The following ADARB2 variants were observed in gnomAD, a reference collection of about 807,000 sequenced individuals.
ADARB2 encodes the protein inactive double-stranded RNA-specific editase B2.
A neutral mutation model predicts 62.2 loss-of-function variants in ADARB2; 25 were observed. The ratio of observed to expected loss-of-function variants is 0.40; its 90% CI spans 0.29 to 0.56. ADARB2 has a LOEUF of 0.56. Among genes scored for constraint, ADARB2 ranks in the 20% least tolerant of loss-of-function variants. ADARB2 has a pLI of 0.43. For missense variants in ADARB2, 1,071 were observed against 1,077.4 expected (o/e 0.99, Z 0.08); for synonymous variants, 572 against 500.8 (o/e 1.14, Z -1.90).
chr10:1,246,265 C>A (rs1289493963), intron 4 of ADARB2, among the ~76,000 whole-genome samples: 18 of 149,754 alleles, frequency 1.2e-4, no homozygotes, highest in African/African-American at 3.3e-4. Flanking sequence ...AGATTGCAAA[C>A]ATTTTCTCCC....
chr10:1,195,060 A>G (rs1836891320), intron 8 of ADARB2, among the ~76,000 whole-genome samples: 1 of 152,186 alleles, frequency 6.6e-6, no homozygotes, highest in Non-Finnish European at 1.5e-5. Flanking sequence ...CCTTGAGCCC[A>G]CCTTGGCCCT....
intron 2 of ADARB2, among the ~76,000 whole-genome samples, chr10:1,374,987 G>T (rs896019959): frequency 4.6e-5 from 7 of 152,132 alleles, no homozygotes; most frequent in Non-Finnish European, 1.0e-4. Flanking sequence ...GTGGGAGGCA[G>T]TGGCTCCTGG....
intron 1 of ADARB2, among the ~76,000 whole-genome samples, chr10:1,543,465 A>G (rs1832470045): frequency 6.6e-6 from 1 of 152,206 alleles, no homozygotes; most frequent in Non-Finnish European, 1.5e-5. Context: ...AGATCAATTA[A>G]AGCTCTCAGA....
At chr10:1,394,792 G>A (rs559114344) in intron 1 of ADARB2, 17 of 456,120 alleles carry the variant, frequency 3.7e-5, no homozygotes, top group Admixed American at 1.2e-4. Flanking sequence ...TGGTAGGAGC[G>A]TCTAAGGGGA....
chr10:1,462,180 G>A (rs1831182942), intron 1 of ADARB2, among the ~76,000 whole-genome samples: 1 of 151,412 alleles, frequency 6.6e-6, no homozygotes, highest in South Asian at 2.1e-4. Context: ...GGCCCCCTGA[G>A]CACCCAGCAG....
intron 4 of ADARB2, among the ~76,000 whole-genome samples, chr10:1,265,956 G>A (rs1368009828): frequency 8.0e-6 from 1 of 125,344 alleles, no homozygotes; most frequent in African/African-American, 3.1e-5. Context: ...TGAGAGGGGG[G>A]CCCAGACTCT....
Position 1,483,854 on chromosome 10 carries a change from C to A in ADARB2, c.101-104694G>T, listed in dbSNP as rs147864351. Among the ~76,000 whole-genome samples the A allele has an allele frequency of 3.1e-3, 476 of 152,336 alleles. 5 individuals carry two copies. Among genetic ancestry groups the A allele is most frequent in the African/African-American group, 0.011 (442 of 41,570 alleles). ...AATCAACAGTGCTGGAATTATCCCT[C>A]CAGTTTCAAATATGACACGGAAGTA... On this transcript the variant is annotated intron_variant, in intron 1 of 9. Coordinates refer to ENST00000381312, the MANE Select transcript of ADARB2 (RefSeq NM_018702.4).
chr10:1,728,461 A>G (rs1445400779), intron 1 of ADARB2, among the ~76,000 whole-genome samples: 1 of 152,134 alleles, frequency 6.6e-6, no homozygotes, highest in African/African-American at 2.4e-5. Flanking sequence ...AACTTTCTCT[A>G]TTTGAATAAA....
chr10:1,219,320 T>C (rs1830660766), intron 6 of ADARB2, among the ~76,000 whole-genome samples: 1 of 152,264 alleles, frequency 6.6e-6, no homozygotes, highest in African/African-American at 2.4e-5. Flanking sequence ...TGGGTTTATA[T>C]AGGAACTTTC....
intron 1 of ADARB2, among the ~76,000 whole-genome samples, chr10:1,735,529 G>A (rs1293671248): frequency 6.6e-6 from 1 of 152,198 alleles, no homozygotes; most frequent in Non-Finnish European, 1.5e-5. Flanking sequence ...GTGTAAAGAT[G>A]ATGCTTCCTT....
chr10:1,510,113 T>TTTCTCTCTTTCTTTCTTTCC (rs1831910386), intron 1 of ADARB2, among the ~76,000 whole-genome samples: 1 of 67,430 alleles, frequency 1.5e-5, no homozygotes, highest in Non-Finnish European at 3.1e-5. Flanking sequence ...TCTTTCTCTC[T>TTTCTCTCTTTCTTTCTTTCC]TTCTTTCTTT....
intron 3 of ADARB2, among the ~76,000 whole-genome samples, chr10:1,314,109 A>C (rs1831716226): frequency 6.6e-6 from 1 of 151,976 alleles, no homozygotes; most frequent in Non-Finnish European, 1.5e-5. Context: ...CTTAGGACCT[A>C]CTCACTTAGG....
At position 1,607,523 on chromosome 10, in the gene ADARB2, C is replaced by T. The variant is rs1416783912; in HGVS notation, c.100+129528G>A. 3.9e-5 allele frequency among the ~76,000 whole-genome samples: 6 copies of T among 152,044 alleles called. No individual in the cohort carries two copies. In the East Asian group the frequency reaches 1.2e-3, roughly 29 times the overall value. ...TGTCCTGCTTGAGAAATGATGATGA[C>T]CACATCCCAGACACCAGGCACCAGC... is the stretch of plus-strand genomic sequence containing the variant. On this transcript the variant is annotated intron_variant, in intron 1 of 9. Transcript: ENST00000381312.
At chr10:1,294,571 T>A (rs1484769446) in intron 3 of ADARB2, among the ~76,000 whole-genome samples, 3 of 152,190 alleles carry the variant, frequency 2.0e-5, no homozygotes, top group Non-Finnish European at 4.4e-5. Context: ...TCCAGTGATG[T>A]CGACCCTAGG....
At chr10:1,632,986 A>G (rs1300988672) in intron 1 of ADARB2, among the ~76,000 whole-genome samples, 1 of 152,206 alleles carries the variant, frequency 6.6e-6, no homozygotes, top group Admixed American at 6.5e-5. Flanking sequence ...ACAGAGGGCC[A>G]AATGGAATGG....
chr10:1,215,353 C>T lies in ADARB2; in HGVS notation c.1682+1598G>A, dbSNP rs113435524. On this transcript the variant is annotated intron_variant, in intron 7 of 9. Coordinates refer to ENST00000381312, the MANE Select transcript of ADARB2 (RefSeq NM_018702.4). ...CTGTGCGCACCCTCTCCCTTCTCTC[C>T]GTTCTCTCCCCAGATCGTGCTGTGG... Among the ~76,000 whole-genome samples, 234 of 152,330 alleles carry T rather than the reference C, an allele frequency of 1.5e-3. 1 individual carries two copies. Among genetic ancestry groups the T allele is most frequent in the African/African-American group, 5.4e-3 (224 of 41,564 alleles).
chr10:1,705,851 A>G (rs1909432), intron 1 of ADARB2, among the ~76,000 whole-genome samples: 19,257 of 152,194 alleles, frequency 0.13, 1,404 homozygotes, highest in Admixed American at 0.21. Flanking sequence ...TTTGGAGATC[A>G]AATTTTGCTT....
intron 3 of ADARB2, among the ~76,000 whole-genome samples, chr10:1,339,219 C>A (rs1832001098): frequency 6.6e-6 from 1 of 152,232 alleles, no homozygotes. Flanking sequence ...TCAGGTTAAC[C>A]CTGCCCCATG....
intron 3 of ADARB2, among the ~76,000 whole-genome samples, chr10:1,356,405 T>C (rs565736303): frequency 1.6e-4 from 25 of 152,288 alleles, no homozygotes; most frequent in African/African-American, 6.0e-4. Context: ...ACCCACCCCC[T>C]GGAGGGCTTC....
Sources: allele counts gnomAD v4.1 joint callset (sites outside exome capture counted in the v4.1 genomes callset), GRCh38; gene constraint gnomAD v4.1.1; transcripts MANE v1.5; gene names NCBI Gene and HGNC (gene_info 2026-07-23, HGNC 2026-07-21).